The following KCNN2 variants were observed in gnomAD, a reference collection of about 807,000 sequenced individuals.
KCNN2 encodes small conductance calcium-activated potassium channel protein 2.
Under a neutral mutation model 55.5 loss-of-function variants are expected in KCNN2, and 24 were observed. The ratio of observed to expected loss-of-function variants is 0.43; its 90% confidence interval spans 0.31 to 0.61. The LOEUF (loss-of-function observed/expected upper bound fraction) is 0.61, where lower values mean the gene tolerates loss of function less well. KCNN2 is among the 20% of genes least tolerant of loss of function. The pLI is 0.08. For synonymous variants in KCNN2, 431 were observed against 336.1 expected, an observed-to-expected ratio of 1.28 and a Z score of -3.09; for missense variants, 754 against 853.6, an observed-to-expected ratio of 0.88 and a Z score of 1.45.
chr5:114,204,845 A>G (rs569800085), intron 1 of KCNN2, among the ~76,000 whole-genome samples: 314 of 152,354 alleles, frequency 2.1e-3, no homozygotes, highest in Admixed American at 4.0e-3. Context: ...TTGGGGTTCA[A>G]TTTGTTACCA....
chr5:114,240,872 G>A (rs896003849), intron 2 of KCNN2, among the ~76,000 whole-genome samples: 9 of 151,998 alleles, frequency 5.9e-5, no homozygotes, highest in Non-Finnish European at 7.4e-5. Context: ...GTATAAATAT[G>A]TGAAAAGAAT....
At chr5:114,065,309 A>G (rs1224471843) in intron 1 of KCNN2, among the ~76,000 whole-genome samples, 1 of 152,220 alleles carries the variant, frequency 6.6e-6, no homozygotes, top group African/African-American at 2.4e-5. Flanking sequence ...CTGGCTTCTC[A>G]GTGGCTACTT....
intron 1 of KCNN2, among the ~76,000 whole-genome samples, chr5:114,194,278 T>A (rs1425966613): frequency 1.3e-5 from 2 of 152,096 alleles, no homozygotes; most frequent in Admixed American, 6.6e-5. Context: ...AATGCTAAAC[T>A]GTTGCCCAAA....
chr5:114,296,608 A>G (rs1400926078), intron 2 of KCNN2, among the ~76,000 whole-genome samples: 1 of 152,202 alleles, frequency 6.6e-6, no homozygotes, highest in East Asian at 1.9e-4. Flanking sequence ...CATCTGGCCC[A>G]AACACGTTCC....
intron 1 of KCNN2, among the ~76,000 whole-genome samples, chr5:114,173,498 T>C: frequency 6.7e-6 from 1 of 149,612 alleles, no homozygotes; most frequent in African/African-American, 2.4e-5. Flanking sequence ...CCATACAAAT[T>C]GTAGAATTGT....
rs181755396 is a variant in KCNN2, at chr5:114,202,055, G to A, written c.-270-19425G>A. 2.0e-5 allele frequency among the ~76,000 whole-genome samples: 3 copies of A among 152,270 alleles called. No homozygotes were observed. In the East Asian group the frequency reaches 5.8e-4, roughly 30 times the overall value. On this transcript the variant is annotated intron_variant, in intron 1 of 10. Coordinates refer to the KCNN2 transcript ENST00000512097. ...TGGAGCAGGGTGGCAGGGACCATCC[G>A]AGGGATGTGTGGGGGCACCTGTTCT... is the stretch of plus-strand genomic sequence containing the variant.
At chr5:114,403,473 G>A (rs998391671) in intron 2 of KCNN2, among the ~76,000 whole-genome samples, 56 of 152,136 alleles carry the variant, frequency 3.7e-4, no homozygotes, top group African/African-American at 1.3e-3. Context: ...TTCCTAATAC[G>A]TGGGACTCTC....
chr5:114,280,806 C>A (rs1411090812), intron 2 of KCNN2, among the ~76,000 whole-genome samples: 1 of 152,064 alleles, frequency 6.6e-6, no homozygotes, highest in Non-Finnish European at 1.5e-5. Context: ...TTCAAGCTTT[C>A]CAGGGGGTTA....
chr5:114,242,585 G>A (rs906120320), intron 2 of KCNN2, among the ~76,000 whole-genome samples: 3 of 152,114 alleles, frequency 2.0e-5, no homozygotes, highest in Non-Finnish European at 4.4e-5. Flanking sequence ...GAAGACCAGT[G>A]TTCTATGTAT....
In KCNN2 at chr5:114,487,073, A is replaced by G; in HGVS notation, c.1914A>G (p.Val638=). 6.2e-7 allele frequency: 1 copy of G among 1,612,828 alleles called. No individual in the cohort carries two copies. The highest frequency in any genetic ancestry group is 8.5e-7 in the Non-Finnish European group (1 of 1,179,100). The change falls in exon 6 of 8, where the codon GTA becomes GTG. Residue 638 remains valine, a synonymous_variant. Transcript: ENST00000673685. ...TKRVKNAAAN[V]LRETWLIYKN... ...AGGTAAAAAATGCAGCTGCCAATGT[A>G]CTCAGGGAAACATGGCTAATTTACA...
chr5:114,277,386 C>T (rs1329140942), intron 2 of KCNN2, among the ~76,000 whole-genome samples: 1 of 152,136 alleles, frequency 6.6e-6, no homozygotes, highest in Non-Finnish European at 1.5e-5. Flanking sequence ...GTTGGCCTGC[C>T]TTGCTAGGTT....
At chr5:114,099,500 C>G (rs1159813003) in intron 1 of KCNN2, among the ~76,000 whole-genome samples, 1 of 152,126 alleles carries the variant, frequency 6.6e-6, no homozygotes, top group Non-Finnish European at 1.5e-5. Context: ...GGATCTCACT[C>G]TGTTGCCCAG....
rs114219005 is a variant in KCNN2 at position 114,200,263 on chromosome 5, A to G, written c.-270-21217A>G. On this transcript the variant is annotated intron_variant, in intron 1 of 10. Coordinates refer to the KCNN2 transcript ENST00000512097. The stretch of plus-strand genomic sequence containing the variant: ...AGACCTGTCTTCTTCAAGTTCTGAG[A>G]TTGTTTCTTCCACTTGGTCTAGTAT... Among the ~76,000 whole-genome samples, 345 of 151,652 alleles carry G rather than the reference A, an allele frequency of 2.3e-3. 1 individual carries two copies. The highest frequency in any genetic ancestry group is 4.2e-3 in the Non-Finnish European group (284 of 67,922).
chr5:114,225,506 A>T (rs1285152846), intron 2 of KCNN2, among the ~76,000 whole-genome samples: 1 of 152,214 alleles, frequency 6.6e-6, no homozygotes, highest in Non-Finnish European at 1.5e-5. Context: ...TGGATTAAGT[A>T]ACAAAAGACA....
chr5:114,273,806 C>G (rs1405574123), intron 2 of KCNN2, among the ~76,000 whole-genome samples: 2 of 152,152 alleles, frequency 1.3e-5, no homozygotes, highest in Non-Finnish European at 2.9e-5. Context: ...GTTGCCTGTT[C>G]ACTCTGGTGA....
intron 1 of KCNN2, among the ~76,000 whole-genome samples, chr5:114,202,085 C>G (rs2112572973): frequency 6.6e-6 from 1 of 152,236 alleles, no homozygotes; most frequent in Middle Eastern, 3.4e-3. Flanking sequence ...TGTTCTCTTC[C>G]TGCCTCCGTG....
intron 1 of KCNN2, among the ~76,000 whole-genome samples, chr5:114,153,438 T>A (rs981215062): frequency 6.6e-6 from 1 of 152,274 alleles, no homozygotes; most frequent in East Asian, 1.9e-4. Flanking sequence ...ACCCTACTTA[T>A]AAGCATATGA....
At chr5:114,138,342 TC>T (rs1752211908) in intron 1 of KCNN2, among the ~76,000 whole-genome samples, 1 of 152,172 alleles carries the variant, frequency 6.6e-6, no homozygotes, top group Non-Finnish European at 1.5e-5. Flanking sequence ...TCTATTTTAT[TC>T]ATATCGTATC....
At chr5:114,159,403 G>C (rs1474118859) in intron 1 of KCNN2, among the ~76,000 whole-genome samples, 1 of 152,118 alleles carries the variant, frequency 6.6e-6, no homozygotes, top group Non-Finnish European at 1.5e-5. Context: ...GATTCGGTTT[G>C]GCAGTATTTT....
Sources: gnomAD v4.1 joint callset for allele counts (sites outside exome capture counted in the v4.1 genomes callset) on GRCh38, gnomAD v4.1.1 for gene constraint, MANE v1.5 for transcripts, NCBI Gene and HGNC (gene_info 2026-07-23, HGNC 2026-07-21) for gene names.